DOCK8: variants seen among roughly 807,000 people sequenced by gnomAD.
DOCK8 encodes the protein dedicator of cytokinesis 8.
DOCK8 carries 141 observed loss-of-function variants against 245.6 expected under a neutral mutation model. The observed-to-expected ratio is 0.57, with a 90% CI of 0.50 to 0.66. DOCK8 has a LOEUF of 0.66. Ranked by LOEUF, DOCK8 falls within the 30% of genes least tolerant of loss-of-function variation. The pLI, the probability that DOCK8 is intolerant of heterozygous loss-of-function variation, is 0.00. For missense variants in DOCK8, 2,965 were observed against 2,603.4 expected (o/e 1.14, Z -3.02); for synonymous variants, 1,168 against 970.2 (o/e 1.20, Z -3.79).
At chr9:255,421 A>G (rs640293) in intron 1 of DOCK8, among the ~76,000 whole-genome samples, 72,635 of 151,896 alleles carry the variant, frequency 0.48, 17,779 homozygotes, top group East Asian at 0.8. Context: ...TAATCCCAGC[A>G]CTTTGGGAGG....
chr9:442,971 G>A (rs2057139900), intron 42 of DOCK8, among the ~76,000 whole-genome samples: 1 of 152,162 alleles, frequency 6.6e-6, no homozygotes, highest in Admixed American at 6.5e-5. Context: ...CCCCAAAATT[G>A]TTTAGCACAT....
chr9:215,432 G>C, intron 1 of DOCK8: 1 of 1,507,096 alleles, frequency 6.6e-7, no homozygotes, highest in South Asian at 1.3e-5. Context: ...TCTGAGCGCG[G>C]GGGGAAGAAG....
At position 371,557 on chromosome 9, in the gene DOCK8, G is replaced by A. The variant is rs2053286464; in HGVS notation, c.1998G>A (p.Leu666=). 1 of 1,614,170 alleles carries A rather than the reference G, an allele frequency of 6.2e-7. No homozygotes were observed. Among genetic ancestry groups the A allele is most frequent in the Non-Finnish European group, 8.5e-7 (1 of 1,180,016 alleles). ...QKQGASVETL[L]GYSWLPILLN... is the part of the protein sequence containing the mutation. ...AAGGAGCCTCCGTGGAAACTCTCCT[G>A]GGATATTCAGTGAGTTGTTTCCAGC... Residue 666 remains leucine, a synonymous_variant, in exon 17 of 48, where the codon CTG becomes CTA. Coordinates refer to ENST00000432829, the MANE Select transcript of DOCK8 (RefSeq NM_203447.4).
rs1409715154 is a variant in DOCK8, at chr9:464,563, A to G, written c.*344A>G. On this transcript the variant is annotated 3_prime_UTR_variant, in exon 48 of 48. Transcript: ENST00000432829. ...TCTGAGAGATGATTTCCTCTGGCCC[A>G]TATTTGAATTTATTGGAGTAACTCA... The G allele has an allele frequency of 2.3e-5, 8 of 348,824 alleles. No individual in the cohort carries two copies. The highest frequency in any genetic ancestry group is 3.8e-5 in the Non-Finnish European group (7 of 186,376). 21.6% of individuals were successfully genotyped at this position (348,824 alleles called of 1,614,324 possible).
chr9:244,061 G>A (rs191455298), intron 1 of DOCK8, among the ~76,000 whole-genome samples: 6 of 151,838 alleles, frequency 4.0e-5, no homozygotes, highest in East Asian at 3.9e-4. Flanking sequence ...GGCGGCGACC[G>A]CTTGTAGTCC....
rs748810569 is a variant in DOCK8 at position 420,603 on chromosome 9, A to G, written c.4023+20A>G. On this transcript the variant is annotated intron_variant, in intron 31 of 47. Transcript: ENST00000432829. ...TATAAGGTAAGTCTGGAGTGGCACAACTTTATACCAGCTCTTATCTCTCAA... is the reference window on the plus strand; with the variant it reads ...TATAAGGTAAGTCTGGAGTGGCACAGCTTTATACCAGCTCTTATCTCTCAA... The G allele has an allele frequency of 2.5e-6, 4 of 1,613,844 alleles. No homozygotes were observed. The highest frequency in any genetic ancestry group is 3.4e-6 in the Non-Finnish European group (4 of 1,179,808).
chr9:370,131 C>A (rs1381304375), intron 15 of DOCK8, 99 bp from the exon 16 acceptor site: 1 of 1,031,998 alleles, frequency 9.7e-7, no homozygotes, highest in African/African-American at 1.6e-5. Context: ...GTACAAAATG[C>A]AGCTCTATGA....
chr9:215,184 C>T (rs1280433906), intron 1 of DOCK8, 155 bp downstream of exon 1: 10 of 1,511,550 alleles, frequency 6.6e-6, no homozygotes, highest in African/African-American at 1.4e-5. Context: ...GAGGCTGCGG[C>T]GGTGGAGCCG....
At chr9:355,115 G>A (rs572389620) in intron 14 of DOCK8, among the ~76,000 whole-genome samples, 1 of 151,954 alleles carries the variant, frequency 6.6e-6, no homozygotes, top group African/African-American at 2.4e-5. Flanking sequence ...GGGAGGGCAG[G>A]TTAATTTTGT....
At chr9:388,446 C>T (rs2054045641) in intron 23 of DOCK8, among the ~76,000 whole-genome samples, 1 of 152,186 alleles carries the variant, frequency 6.6e-6, no homozygotes, top group South Asian at 2.1e-4. Context: ...AGCATGTATA[C>T]AGAGATTTTC....
chr9:214,626 T>C (rs777713439), upstream of DOCK8: 12 of 1,613,084 alleles, frequency 7.4e-6, no homozygotes, highest in Middle Eastern at 3.3e-4. Flanking sequence ...CTGCGCGCAG[T>C]GGTCGCCTGT....
At chr9:365,679 A>G (rs2052954791) in intron 14 of DOCK8, 1 of 447,202 alleles carries the variant, frequency 2.2e-6, no homozygotes, top group African/African-American at 2.0e-5. Context: ...AAGCTAAGTA[A>G]CTTGCCAAAG....
intron 5 of DOCK8, among the ~76,000 whole-genome samples, chr9:311,639 C>G (rs978512867): frequency 1.1e-4 from 17 of 152,170 alleles, no homozygotes; most frequent in South Asian, 2.1e-4. Flanking sequence ...TTGGCCCCCC[C>G]AGCCCCAGGA....
chr9:312,202 T>G, intron 6 of DOCK8, 36 bp downstream of exon 6: 2 of 1,599,086 alleles, frequency 1.3e-6, no homozygotes, highest in South Asian at 1.1e-5. Flanking sequence ...AGAATCTCAG[T>G]GAAGACTCTG....
chr9:361,502 G>A (rs548178642), intron 14 of DOCK8, among the ~76,000 whole-genome samples: 22 of 152,284 alleles, frequency 1.4e-4, no homozygotes, highest in African/African-American at 5.1e-4. Context: ...GGCTCCAGCC[G>A]TTTTATTACA....
intron 1 of DOCK8, among the ~76,000 whole-genome samples, chr9:269,930 A>G (rs2048120279): frequency 6.6e-6 from 1 of 152,196 alleles, no homozygotes; most frequent in Admixed American, 6.5e-5. Context: ...AGCTCTGCTT[A>G]AATTTTTCAG....
chr9:371,468 G>C lies in DOCK8; in HGVS notation c.1909G>C (p.Ala637Pro). Residue 637 changes from alanine to proline, a missense_variant, in exon 17 of 48, where the codon GCT (alanine) becomes CCT (proline). Physicochemically the swap from Ala to Pro is conservative, Grantham distance 27. Coordinates refer to ENST00000432829, the MANE Select transcript of DOCK8 (RefSeq NM_203447.4). ...TGAAGAAGTGAAAATTAAGCTCCCC[G>C]CTAAGCTCACAGTAAATCACCACCT... ...FYEEVKIKLP[A>P]KLTVNHHLLF... 1 of 1,614,128 alleles carries C rather than the reference G, an allele frequency of 6.2e-7. No homozygotes were observed. Among genetic ancestry groups the C allele is most frequent in the African/African-American group, 1.3e-5 (1 of 75,036 alleles).
At chr9:363,697 G>T (rs1457413589) in intron 14 of DOCK8, among the ~76,000 whole-genome samples, 1 of 152,118 alleles carries the variant, frequency 6.6e-6, no homozygotes, top group Non-Finnish European at 1.5e-5. Context: ...AAATTATCTT[G>T]AAGTTTCCTT....
At position 400,108 on chromosome 9, in the gene DOCK8, T is replaced by A. The variant is rs965549292; in HGVS notation, c.3234+849T>A. Among the ~76,000 whole-genome samples, 65 of 49,182 alleles carry A rather than the reference T, an allele frequency of 1.3e-3. 1 individual carries two copies. The highest frequency in any genetic ancestry group is 6.3e-3 in the African/African-American group (42 of 6,632). 32.3% of individuals were successfully genotyped at this position (49,182 alleles called of 152,430 possible). A position where few individuals can be genotyped will look rare whatever the true frequency, so the allele number is the denominator to read the frequency against. On this transcript the variant is annotated intron_variant, in intron 26 of 47. Coordinates refer to ENST00000432829, the MANE Select transcript of DOCK8 (RefSeq NM_203447.4). ...CACCTCCACCATCACCACCACCACC[T>A]CCACCACCACCAGCATCTTCACCAT...
Sources: allele counts gnomAD v4.1 joint callset (sites outside exome capture counted in the v4.1 genomes callset), GRCh38; gene constraint gnomAD v4.1.1; transcripts MANE v1.5; gene names NCBI Gene and HGNC (gene_info 2026-07-23, HGNC 2026-07-21).